The following VWF variants were observed in gnomAD, a reference collection of about 807,000 sequenced individuals.
The protein encoded by VWF is von Willebrand factor.
Under a neutral mutation model 308.6 loss-of-function variants are expected in VWF, and 176 were observed. The observed-to-expected ratio is 0.57, with a 90% confidence interval of 0.50 to 0.65. The LOEUF is 0.65. Ranked by LOEUF, VWF falls within the 30% of genes least tolerant of loss-of-function variation. The pLI is 0.00. For synonymous variants in VWF, 1,385 were observed against 1,443.4 expected, an observed-to-expected ratio of 0.96 and a Z score of 0.92; for missense variants, 3,146 against 3,648.2, an observed-to-expected ratio of 0.86 and a Z score of 3.55.
At chr12:6,098,056 C>T in intron 5 of VWF, among the ~76,000 whole-genome samples, 1 of 152,286 alleles carries the variant, frequency 6.6e-6, no homozygotes, top group South Asian at 2.1e-4. Context: ...ACTTTACAGG[C>T]TAGATCTGAA....
At chr12:5,991,334 G>C (rs114810331) in intron 38 of VWF, among the ~76,000 whole-genome samples, 1,850 of 152,220 alleles carry the variant, frequency 0.012, 38 homozygotes, top group African/African-American at 0.04. Context: ...TTTAACTATG[G>C]TTAGCTGGTG....
At chr12:5,972,258 C>T (rs1350646603) in intron 43 of VWF, among the ~76,000 whole-genome samples, 1 of 152,162 alleles carries the variant, frequency 6.6e-6, no homozygotes, top group African/African-American at 2.4e-5. Context: ...GAGAGAGCAA[C>T]AGACAAAGCT....
chr12:6,014,900 G>T (rs1466881579), intron 31 of VWF, among the ~76,000 whole-genome samples: 1 of 152,200 alleles, frequency 6.6e-6, no homozygotes. Flanking sequence ...GATCATATCT[G>T]CTTCAAGACC....
At chr12:6,087,238 C>T (rs1317849189) in intron 6 of VWF, among the ~76,000 whole-genome samples, 3 of 151,784 alleles carry the variant, frequency 2.0e-5, no homozygotes, top group East Asian at 3.9e-4. Flanking sequence ...GCTTTAGCTT[C>T]GAACGGGCAT....
At chr12:5,989,126 T>G (rs1338355455) in intron 38 of VWF, among the ~76,000 whole-genome samples, 1 of 152,174 alleles carries the variant, frequency 6.6e-6, no homozygotes. Context: ...AACTTGTGCC[T>G]GTCACTACAG....
chr12:6,118,271 G>A (rs1945391061), intron 3 of VWF, among the ~76,000 whole-genome samples: 1 of 151,528 alleles, frequency 6.6e-6, no homozygotes, highest in African/African-American at 2.4e-5. Flanking sequence ...GGGGCAGGGA[G>A]TCCAGAGCAG....
At chr12:5,997,186 TC>T (rs1288294920) in intron 34 of VWF, among the ~76,000 whole-genome samples, 1 of 152,094 alleles carries the variant, frequency 6.6e-6, no homozygotes, top group Non-Finnish European at 1.5e-5. Flanking sequence ...CTAAGCAGCC[TC>T]CCCAGAAGTT....
rs1223948393 is a variant in VWF at position 6,016,813 on chromosome 12, G to C, written c.5111C>G (p.Ala1704Gly). Reference sequence around the variant, plus strand: ...ACTCTTCATTTCATCAAAATAAGAAGCTGGGAAACTGGAGGAGCCATCCAG... The same window carrying C: ...ACTCTTCATTTCATCAAAATAAGAACCTGGGAAACTGGAGGAGCCATCCAG... ...LLLDGSSSFP[A>G]SYFDEMKSFA... Residue 1704 changes from alanine to glycine, a missense_variant, in exon 29 of 52, where the codon GCT (alanine) becomes GGT (glycine). Around this residue, in one of 3 missense-constraint regions of VWF, gnomAD observed 853 missense variants for 1,177.8 expected, o/e 0.72. Transcript: ENST00000261405. 4.3e-6 allele frequency: 7 copies of C among 1,614,106 alleles called. No homozygotes were observed. Among genetic ancestry groups the C allele is most frequent in the Non-Finnish European group, 5.9e-6 (7 of 1,180,052 alleles).
chr12:6,074,503 A>C (rs1944818488), intron 7 of VWF, among the ~76,000 whole-genome samples: 1 of 151,720 alleles, frequency 6.6e-6, no homozygotes, highest in Admixed American at 6.6e-5. Context: ...AAAAAAAAAA[A>C]AAAAAAACAG....
intron 46 of VWF, among the ~76,000 whole-genome samples, 179 bp from the exon 47 acceptor site, chr12:5,967,781 G>A (rs961096245): frequency 6.6e-6 from 1 of 152,194 alleles, no homozygotes; most frequent in African/African-American, 2.4e-5. Context: ...TATCAAGATG[G>A]TAAGAGTGAG....
rs187947531 is a variant in VWF, at chr12:6,080,906, C to T, written c.658-5355G>A. Among the ~76,000 whole-genome samples, 28 of 152,330 alleles carry T rather than the reference C, an allele frequency of 1.8e-4. No individual in the cohort carries two copies. In the East Asian group the frequency reaches 4.4e-3, roughly 24 times the overall value. ...GCCCTCCATGGCTTAGAAACGGCTC[C>T]GTGTGCCCTCTTTTCCTGTGGGAAT... On this transcript the variant is annotated intron_variant, in intron 6 of 51. Coordinates refer to ENST00000261405, the MANE Select transcript of VWF (RefSeq NM_000552.5).
intron 44 of VWF, 69 bp downstream of exon 44, chr12:5,971,530 C>G: frequency 7.7e-7 from 1 of 1,297,046 alleles, no homozygotes; most frequent in Non-Finnish European, 1.1e-6. Flanking sequence ...GAGATGAAAC[C>G]AAGGTCAACG....
chr12:6,045,318 T>C (rs1237426587), intron 17 of VWF, among the ~76,000 whole-genome samples: 2 of 152,232 alleles, frequency 1.3e-5, no homozygotes, highest in Non-Finnish European at 2.9e-5. Context: ...TATTTTTATA[T>C]GGAAACTCTT....
chr12:6,023,899 T>C, intron 24 of VWF, 112 bp from the exon 25 acceptor site: 2 of 1,238,498 alleles, frequency 1.6e-6, no homozygotes, highest in South Asian at 1.3e-5. Flanking sequence ...GGGGTCCAGG[T>C]AGAAGGAGAA....
intron 22 of VWF, among the ~76,000 whole-genome samples, chr12:6,027,130 C>A (rs905371635): frequency 5.3e-5 from 8 of 152,200 alleles, no homozygotes; most frequent in African/African-American, 1.9e-4. Flanking sequence ...AAAAGGCCAA[C>A]GATCTTCCCA....
chr12:6,025,239 C>T (rs1944177697), intron 24 of VWF, among the ~76,000 whole-genome samples: 1 of 152,128 alleles, frequency 6.6e-6, no homozygotes, highest in Admixed American at 6.5e-5. Flanking sequence ...GCAGCAGTGA[C>T]AGGAAAAGGA....
At chr12:6,055,684 T>C (rs145553622) in intron 15 of VWF, among the ~76,000 whole-genome samples, 2 of 152,066 alleles carry the variant, frequency 1.3e-5, no homozygotes, top group East Asian at 3.9e-4. Context: ...TCCTGAAATA[T>C]AGATGCTAAT....
chr12:5,992,119 G>C, intron 37 of VWF, 101 bp from the exon 38 acceptor site: 1 of 1,114,056 alleles, frequency 9.0e-7, no homozygotes, highest in African/African-American at 1.5e-5. Context: ...AACTTGCCAG[G>C]GCAGAGACGG....
chr12:5,971,622 C>G lies in VWF; in HGVS notation c.7525G>C (p.Asp2509His). The G allele has an allele frequency of 6.2e-7, 1 of 1,613,952 alleles. No individual in the cohort carries two copies. The highest frequency in any genetic ancestry group is 1.1e-5 in the South Asian group (1 of 91,086). ...CEVVTGSPRG[D>H]SQSSWKSVGS... ...ACACTCTTCCAGGAAGACTGGGAGT[C>G]CCCCCGCGGTGAGCCAGTCACCACC... is the stretch of plus-strand genomic sequence containing the variant. The change falls in exon 44 of 52, where the codon GAC (aspartate) becomes CAC (histidine). Residue 2509 changes from aspartate (D) to histidine (H), a missense_variant. By Grantham distance (81) the Asp-to-His change is moderately conservative. Transcript: ENST00000261405.
Sources: allele counts gnomAD v4.1 joint callset (sites outside exome capture counted in the v4.1 genomes callset), GRCh38; gene constraint gnomAD v4.1.1; regional missense constraint gnomAD v4.1.1; transcripts MANE v1.5; gene names NCBI Gene and HGNC (gene_info 2026-07-23, HGNC 2026-07-21).